Variants in ARHGEF12 observed in about 807,000 individuals in gnomAD.
ARHGEF12 encodes KMT2A/ARHGEF12 fusion protein.
A neutral mutation model predicts 211.2 loss-of-function variants in ARHGEF12; 66 were observed. That is an observed-to-expected ratio of 0.31 (90% CI 0.26 to 0.38). The LOEUF is 0.38. Among genes scored for constraint, ARHGEF12 ranks in the 10% least tolerant of loss-of-function variants. The pLI, the probability that ARHGEF12 is intolerant of heterozygous loss-of-function variation, is 1.00. For missense variants in ARHGEF12, 1,429 were observed against 1,869.5 expected, an observed-to-expected ratio of 0.76 and a Z score of 4.34; for synonymous variants, 592 against 638.4, an observed-to-expected ratio of 0.93 and a Z score of 1.09.
chr11:120,436,643 AG>A (rs1403413410), intron 11 of ARHGEF12, among the ~76,000 whole-genome samples: 1 of 152,178 alleles, frequency 6.6e-6, no homozygotes, highest in East Asian at 1.9e-4. Flanking sequence ...CTTTTTTCCT[AG>A]TCATTATCCC....
At chr11:120,424,674 G>A (rs1945287971) in intron 7 of ARHGEF12, among the ~76,000 whole-genome samples, 1 of 152,178 alleles carries the variant, frequency 6.6e-6, no homozygotes, top group Admixed American at 6.5e-5. Context: ...GCTGATCCCT[G>A]CATTGAAGGA....
intron 39 of ARHGEF12, among the ~76,000 whole-genome samples, chr11:120,483,949 T>G (rs940382848): frequency 6.6e-6 from 1 of 151,472 alleles, no homozygotes; most frequent in African/African-American, 2.4e-5. Flanking sequence ...GAGACAGGAT[T>G]TCACCATGTT....
chr11:120,437,455 TC>T, intron 12 of ARHGEF12, 73 bp downstream of exon 12: 3 of 1,003,052 alleles, frequency 3.0e-6, no homozygotes, highest in Non-Finnish European at 4.2e-6. Context: ...TATAGACACA[TC>T]TGATGTTTAC....
At chr11:120,346,103 C>T (rs910495460) in intron 1 of ARHGEF12, among the ~76,000 whole-genome samples, 1 of 152,090 alleles carries the variant, frequency 6.6e-6, no homozygotes, top group African/African-American at 2.4e-5. Flanking sequence ...TCATAGGTAA[C>T]AATAGTTAAT....
intron 1 of ARHGEF12, among the ~76,000 whole-genome samples, chr11:120,340,250 G>A (rs1424529711): frequency 6.6e-6 from 1 of 152,210 alleles, no homozygotes; most frequent in East Asian, 1.9e-4. Flanking sequence ...TCTTCTGAGA[G>A]GTAGACAGGA....
At chr11:120,423,441 G>A (rs77148708) in intron 6 of ARHGEF12, among the ~76,000 whole-genome samples, 4,702 of 152,182 alleles carry the variant, frequency 0.031, 111 homozygotes, top group Non-Finnish European at 0.044. Flanking sequence ...GTGAAGTCGT[G>A]TGTACAGGGA....
At chr11:120,362,693 A>T (rs1591501916) in intron 1 of ARHGEF12, among the ~76,000 whole-genome samples, 1 of 152,320 alleles carries the variant, frequency 6.6e-6, no homozygotes, top group East Asian at 1.9e-4. Context: ...GATTATTATG[A>T]ATGTCTTTCG....
At chr11:120,452,503 A>G (rs1033615848) in intron 22 of ARHGEF12, among the ~76,000 whole-genome samples, 1 of 152,142 alleles carries the variant, frequency 6.6e-6, no homozygotes, top group African/African-American at 2.4e-5. Flanking sequence ...AGGGATGAAG[A>G]CGGCAAGGAA....
At chr11:120,382,569 T>C (rs775117357) in intron 1 of ARHGEF12, among the ~76,000 whole-genome samples, 1 of 152,256 alleles carries the variant, frequency 6.6e-6, no homozygotes, top group Non-Finnish European at 1.5e-5. Context: ...TTTAGCTGAT[T>C]GTACCAAGTA....
At chr11:120,481,764 T>C (rs983216248) in intron 39 of ARHGEF12, among the ~76,000 whole-genome samples, 188 bp downstream of exon 39, 76 of 149,684 alleles carry the variant, frequency 5.1e-4, no homozygotes, top group Non-Finnish European at 9.2e-4. Flanking sequence ...TTCTTTCTTT[T>C]TTTTTTTTTT....
intron 29 of ARHGEF12, 60 bp from the exon 30 acceptor site, chr11:120,469,227 CA>C (rs1476870652): frequency 8.0e-7 from 1 of 1,252,670 alleles, no homozygotes; most frequent in Non-Finnish European, 1.1e-6. Context: ...ATCTCATTTA[CA>C]TATATTTTAT....
At chr11:120,373,876 C>T (rs572920400) in intron 1 of ARHGEF12, among the ~76,000 whole-genome samples, 2 of 152,280 alleles carry the variant, frequency 1.3e-5, no homozygotes, top group South Asian at 2.1e-4. Context: ...GGCGCGATCT[C>T]GGCTCACCAC....
intron 1 of ARHGEF12, among the ~76,000 whole-genome samples, chr11:120,404,743 A>G (rs1340886581): frequency 6.6e-6 from 1 of 152,172 alleles, no homozygotes; most frequent in Non-Finnish European, 1.5e-5. Flanking sequence ...TCGAGTGCCT[A>G]AGGTTGATAA....
At chr11:120,367,239 T>C (rs750449370) in intron 1 of ARHGEF12, among the ~76,000 whole-genome samples, 23 of 151,884 alleles carry the variant, frequency 1.5e-4, no homozygotes, top group Non-Finnish European at 2.4e-4. Context: ...ATTTTTCTTA[T>C]AGTTTTGGGA....
intron 1 of ARHGEF12, chr11:120,337,786 T>C (rs2135208938): frequency 2.0e-6 from 2 of 985,418 alleles, no homozygotes; most frequent in East Asian, 1.1e-4. Context: ...TTAATTATTA[T>C]CTAATAACTT....
chr11:120,411,518 AT>A lies in ARHGEF12; in HGVS notation c.199+2070del, dbSNP rs569497997. ...ACATTGCTTTCTCGGGGTAAAATTC[AT>A]TAGCTGAGTACTTAACAAAAATGCT... On this transcript the variant is annotated intron_variant, in intron 4 of 40. Coordinates refer to ENST00000397843, the MANE Select transcript of ARHGEF12 (RefSeq NM_015313.3). 8.1e-5 allele frequency: 12 copies of A among 148,744 alleles called. No homozygotes were observed. The South Asian group carries it at 2.6e-3, about 32-fold the overall frequency. The allele number at this position is 148,744 out of a possible 1,614,324, so 9.2% of individuals were successfully genotyped here.
At chr11:120,360,630 C>T (rs1381758612) in intron 1 of ARHGEF12, among the ~76,000 whole-genome samples, 1 of 152,054 alleles carries the variant, frequency 6.6e-6, no homozygotes, top group Non-Finnish European at 1.5e-5. Context: ...TAGGCTCAAG[C>T]GATCCGCCTA....
intron 1 of ARHGEF12, among the ~76,000 whole-genome samples, chr11:120,390,217 G>T (rs954838671): frequency 2.0e-4 from 30 of 152,156 alleles, no homozygotes; most frequent in African/African-American, 7.2e-4. Flanking sequence ...CCTGGTCAAA[G>T]CCTACCAGAC....
intron 1 of ARHGEF12, among the ~76,000 whole-genome samples, chr11:120,349,676 G>A (rs1487196210): frequency 1.3e-5 from 2 of 152,182 alleles, no homozygotes; most frequent in African/African-American, 4.8e-5. Flanking sequence ...TTGTCGTGAC[G>A]ATTAAATGAG....
Sources: allele counts gnomAD v4.1 joint callset (sites outside exome capture counted in the v4.1 genomes callset), GRCh38; gene constraint gnomAD v4.1.1; transcripts MANE v1.5; gene names NCBI Gene and HGNC (gene_info 2026-07-23, HGNC 2026-07-21).